Variants in MAGI1 observed in about 807,000 individuals in gnomAD.
The protein encoded by MAGI1 is membrane associated guanylate kinase, WW and PDZ domain containing 1, also known as membrane-associated guanylate kinase, WW and PDZ domain-containing protein 1.
A neutral mutation model predicts 139.9 loss-of-function variants in MAGI1; 58 were observed. That is an observed-to-expected ratio of 0.41 (90% CI 0.34 to 0.52). The LOEUF (loss-of-function observed/expected upper bound fraction) is 0.52. Ranked by LOEUF, MAGI1 falls within the 20% of genes least tolerant of loss-of-function variation. The pLI is 0.12. For missense variants in MAGI1, 1,874 were observed against 1,901.6 expected, an observed-to-expected ratio of 0.99 and a Z score of 0.27; for synonymous variants, 812 against 737.9, an observed-to-expected ratio of 1.10 and a Z score of -1.63.
chr3:65,657,710 G>A (rs2085960678), intron 1 of MAGI1, among the ~76,000 whole-genome samples: 1 of 152,104 alleles, frequency 6.6e-6, no homozygotes, highest in Non-Finnish European at 1.5e-5. Context: ...TGCATTCTAA[G>A]CTGAGCTTTG....
At chr3:65,433,660 T>A (rs941037826) in intron 10 of MAGI1, among the ~76,000 whole-genome samples, 8 of 151,992 alleles carry the variant, frequency 5.3e-5, no homozygotes, top group African/African-American at 1.9e-4. Flanking sequence ...CCAGGGAAAA[T>A]CCCCTGGGTA....
At position 65,787,941 on chromosome 3, in the gene MAGI1, C is replaced by T. The variant is rs373509990; in HGVS notation, c.314-165853G>A. ...AAAGTGACGGGGTTAAGAAAGTAAGCATGAGCCAATCAAGAAAAAAGTTTA... is the reference window on the plus strand; with the variant it reads ...AAAGTGACGGGGTTAAGAAAGTAAGTATGAGCCAATCAAGAAAAAAGTTTA... On this transcript the variant is annotated intron_variant, in intron 1 of 22. Transcript: ENST00000402939. 3.9e-5 allele frequency among the ~76,000 whole-genome samples: 6 copies of T among 152,256 alleles called. No individual in the cohort carries two copies. In the East Asian group the frequency reaches 5.8e-4, roughly 15 times the overall value.
chr3:65,466,455 G>T (rs902830274), intron 5 of MAGI1, among the ~76,000 whole-genome samples: 1 of 152,172 alleles, frequency 6.6e-6, no homozygotes, highest in African/African-American at 2.4e-5. Flanking sequence ...TGACACCGGA[G>T]AGGGGAATGG....
chr3:65,608,543 T>C (rs1003712680), intron 2 of MAGI1, among the ~76,000 whole-genome samples: 3 of 152,120 alleles, frequency 2.0e-5, no homozygotes, highest in Non-Finnish European at 4.4e-5. Context: ...GTGTTCAGTA[T>C]CATTCTACAT....
intron 2 of MAGI1, among the ~76,000 whole-genome samples, chr3:65,541,077 C>T (rs1388877020): frequency 6.6e-6 from 1 of 152,204 alleles, no homozygotes; most frequent in Middle Eastern, 3.4e-3. Flanking sequence ...AAACTGAAAT[C>T]TGAACATATA....
At chr3:65,981,355 G>A (rs1267165650) in intron 1 of MAGI1, among the ~76,000 whole-genome samples, 3 of 151,936 alleles carry the variant, frequency 2.0e-5, no homozygotes, top group East Asian at 1.9e-4. Flanking sequence ...CTCCCACTTC[G>A]GCTTTTTTGA....
At chr3:66,014,129 A>G (rs747188178) in intron 1 of MAGI1, among the ~76,000 whole-genome samples, 13 of 152,190 alleles carry the variant, frequency 8.5e-5, no homozygotes, top group Non-Finnish European at 1.5e-4. Flanking sequence ...AGAGGAAGGT[A>G]GGGTAAACAC....
intron 2 of MAGI1, among the ~76,000 whole-genome samples, chr3:65,572,113 C>T (rs926282314): frequency 6.6e-6 from 1 of 152,076 alleles, no homozygotes; most frequent in Admixed American, 6.6e-5. Flanking sequence ...TTCTGACTAA[C>T]AAAAATGAGG....
chr3:66,034,979 T>C (rs1350808574), intron 1 of MAGI1, among the ~76,000 whole-genome samples: 1 of 152,168 alleles, frequency 6.6e-6, no homozygotes, highest in African/African-American at 2.4e-5. Context: ...ATTTGAGTGA[T>C]TAACATGAGT....
chr3:65,461,062 C>A (rs934464237), intron 5 of MAGI1, among the ~76,000 whole-genome samples: 2 of 151,886 alleles, frequency 1.3e-5, no homozygotes, highest in Admixed American at 1.3e-4. Flanking sequence ...GGGTATATAC[C>A]CAGTAATGGA....
chr3:65,712,397 T>A (rs73832930), intron 1 of MAGI1, among the ~76,000 whole-genome samples: 1 of 147,660 alleles, frequency 6.8e-6, no homozygotes, highest in African/African-American at 2.5e-5. Flanking sequence ...CAGGAATCCT[T>A]CCAGATGAAT....
Position 65,869,371 on chromosome 3 carries a change from TTG to T in MAGI1, c.313+168623_313+168624del, listed in dbSNP as rs1559961193. ...TCCCAAAGGCAAGACTGGTTTTTTGTTGTTGTTGTTGTTGTTGTTGTTGTTGT... is the reference window on the plus strand; with the variant it reads ...TCCCAAAGGCAAGACTGGTTTTTTGTTTGTTGTTGTTGTTGTTGTTGTTGT... On this transcript the variant is annotated intron_variant, in intron 1 of 22. Transcript: ENST00000402939. Among the ~76,000 whole-genome samples the T allele has an allele frequency of 6.0e-3, 224 of 37,430 alleles. 3 individuals carry two copies. Among genetic ancestry groups the T allele is most frequent in the South Asian group, 0.03 (29 of 958 alleles). 24.6% of individuals were successfully genotyped at this position (37,430 alleles called of 152,430 possible).
chr3:65,925,806 A>G (rs775843787), intron 1 of MAGI1, among the ~76,000 whole-genome samples: 4 of 152,108 alleles, frequency 2.6e-5, no homozygotes, highest in African/African-American at 9.7e-5. Context: ...CAGCCTCCTG[A>G]GTAGCTAGGA....
At chr3:65,846,696 G>A (rs963851815) in intron 1 of MAGI1, among the ~76,000 whole-genome samples, 1 of 152,102 alleles carries the variant, frequency 6.6e-6, no homozygotes, top group Non-Finnish European at 1.5e-5. Context: ...CACCACAGAT[G>A]GCATTAACTG....
chr3:65,356,595 G>A lies in MAGI1; in HGVS notation c.4172C>T (p.Ser1391Leu), dbSNP rs956729171. 10 of 1,596,938 alleles carry A rather than the reference G, an allele frequency of 6.3e-6. No homozygotes were observed. Among genetic ancestry groups the A allele is most frequent in the Admixed American group, 1.7e-5 (1 of 57,822 alleles). ...RRSPERRRGGSPERRAKSTDR... is the reference protein window; with the variant it reads ...RRSPERRRGGLPERRAKSTDR... ...GGTGGACTTGGCCCTGCGCTCGGGC[G>A]AGCCCCCTCTCCTGCGCTCGGGGGA... The change falls in exon 23 of 23, where the codon TCG becomes TTG. Residue 1391 changes from serine (S) to leucine (L), a missense_variant. Physicochemically the swap from Ser to Leu is moderately radical, Grantham distance 145. Coordinates refer to ENST00000402939, the MANE Select transcript of MAGI1 (RefSeq NM_001033057.2).
chr3:65,987,104 T>C (rs1402990230), intron 1 of MAGI1, among the ~76,000 whole-genome samples: 1 of 152,248 alleles, frequency 6.6e-6, no homozygotes, highest in East Asian at 1.9e-4. Flanking sequence ...ACTCCTGACC[T>C]CAAGTGATCC....
chr3:65,879,817 A>T (rs2060254701), intron 1 of MAGI1, among the ~76,000 whole-genome samples: 1 of 152,218 alleles, frequency 6.6e-6, no homozygotes, highest in Non-Finnish European at 1.5e-5. Flanking sequence ...AATTTGTCTC[A>T]AGTCACACAG....
At chr3:65,766,882 C>T (rs1200975389) in intron 1 of MAGI1, among the ~76,000 whole-genome samples, 1 of 152,196 alleles carries the variant, frequency 6.6e-6, no homozygotes, top group East Asian at 2.0e-4. Flanking sequence ...GAGCGAGACT[C>T]CATCTCAAAT....
chr3:65,497,857 T>C (rs1448661039), intron 2 of MAGI1, among the ~76,000 whole-genome samples: 1 of 152,128 alleles, frequency 6.6e-6, no homozygotes, highest in Non-Finnish European at 1.5e-5. Context: ...ATAAATATGC[T>C]TAGGATGCCT....
Sources: allele counts gnomAD v4.1 joint callset (sites outside exome capture counted in the v4.1 genomes callset), GRCh38; gene constraint gnomAD v4.1.1; transcripts MANE v1.5; gene names NCBI Gene and HGNC (gene_info 2026-07-23, HGNC 2026-07-21).